The following TDRD7 variants were observed in gnomAD, a reference collection of about 807,000 sequenced individuals.
The protein encoded by TDRD7 is tudor domain containing 7.
TDRD7 carries 47 observed loss-of-function variants against 109.8 expected under a neutral mutation model. That is an observed-to-expected ratio of 0.43 (90% CI 0.34 to 0.55). TDRD7 has a LOEUF of 0.55. Ranked by LOEUF, TDRD7 falls within the 20% of genes least tolerant of loss-of-function variation. The pLI is 0.03. For missense variants in TDRD7, 1,164 were observed against 1,319.2 expected (o/e 0.88, Z 1.82); for synonymous variants, 424 against 457.3 (o/e 0.93, Z 0.93).
chr9:97,420,112 A>T (rs1827874034), intron 1 of TDRD7, among the ~76,000 whole-genome samples: 1 of 152,170 alleles, frequency 6.6e-6, no homozygotes, highest in Non-Finnish European at 1.5e-5. Context: ...TCAAAATTGG[A>T]TGCAACCCAA....
intron 7 of TDRD7, among the ~76,000 whole-genome samples, chr9:97,461,470 A>T (rs1828723428): frequency 8.0e-6 from 1 of 124,478 alleles, no homozygotes; most frequent in South Asian, 2.4e-4. Context: ...ATCAGATTAG[A>T]CCTTGGACCC....
In TDRD7 at chr9:97,483,065, T is replaced by G; in HGVS notation, c.2629T>G (p.Phe877Val). 6.2e-7 allele frequency: 1 copy of G among 1,614,118 alleles called. No individual in the cohort carries two copies. The highest frequency in any genetic ancestry group is 8.5e-7 in the Non-Finnish European group (1 of 1,180,028). ...MPMSGNTGENFRKNLTDVIKK... is the reference protein window; with the variant it reads ...MPMSGNTGENVRKNLTDVIKK... ...CATGTCGGGCAACACTGGAGAGAAT[T>G]TCAGAAAGAACCTCACAGATGTCAT... is the stretch of plus-strand genomic sequence containing the variant. The change falls in exon 15 of 17, where the codon TTC (phenylalanine) becomes GTC (valine). Residue 877 changes from phenylalanine (F) to valine (V), a missense_variant. Transcript: ENST00000355295.
At chr9:97,484,950 A>G (rs1829187161) in intron 15 of TDRD7, among the ~76,000 whole-genome samples, 1 of 152,224 alleles carries the variant, frequency 6.6e-6, no homozygotes, top group African/African-American at 2.4e-5. Flanking sequence ...TCTGCCCTCC[A>G]TGGCTTTGAA....
Position 97,427,341 on chromosome 9 carries a change from C to T in TDRD7, c.-6-1119C>T, listed in dbSNP as rs796108184. The stretch of plus-strand genomic sequence containing the variant: ...TTATTCATATGGCATTATGACTCTG[C>T]TTCTTTTTCTTCCATCTCTCTAGTC... On this transcript the variant is annotated intron_variant, in intron 1 of 16. Transcript: ENST00000355295. Among the ~76,000 whole-genome samples the T allele has an allele frequency of 7.9e-5, 12 of 152,100 alleles. 1 individual carries two copies. The highest frequency in any genetic ancestry group is 2.9e-4 in the African/African-American group (12 of 41,482).
intron 6 of TDRD7, among the ~76,000 whole-genome samples, chr9:97,458,905 G>A (rs1828663937): frequency 6.6e-6 from 1 of 152,138 alleles, no homozygotes; most frequent in Non-Finnish European, 1.5e-5. Flanking sequence ...ATTGTATGGA[G>A]AGTGAAGTAA....
chr9:97,415,527 A>G (rs1827797469), intron 1 of TDRD7, among the ~76,000 whole-genome samples: 1 of 152,230 alleles, frequency 6.6e-6, no homozygotes, highest in African/African-American at 2.4e-5. Flanking sequence ...GGCCACTTAA[A>G]TTATTTAAAT....
chr9:97,435,186 C>G (rs1828172085), intron 4 of TDRD7, among the ~76,000 whole-genome samples: 2 of 152,030 alleles, frequency 1.3e-5, no homozygotes, highest in African/African-American at 4.8e-5. Flanking sequence ...TGAATAAGCT[C>G]TGAATTGTAC....
chr9:97,427,481 A>G (rs776734700), intron 1 of TDRD7, among the ~76,000 whole-genome samples: 4 of 152,200 alleles, frequency 2.6e-5, no homozygotes, highest in Admixed American at 2.6e-4. Flanking sequence ...CAAGTACCCC[A>G]TATAAGTCAA....
At chr9:97,493,967 A>G (rs1829348364) in intron 16 of TDRD7, among the ~76,000 whole-genome samples, 1 of 152,174 alleles carries the variant, frequency 6.6e-6, no homozygotes, top group African/African-American at 2.4e-5. Context: ...ATATTGTTCA[A>G]ACACACATGC....
At chr9:97,471,604 A>G (rs1342821993) in intron 9 of TDRD7, among the ~76,000 whole-genome samples, 1 of 152,224 alleles carries the variant, frequency 6.6e-6, no homozygotes, top group African/African-American at 2.4e-5. Context: ...TTGTGGATTT[A>G]AAGTAGAAAA....
At chr9:97,425,002 G>C (rs2118255994) in intron 1 of TDRD7, among the ~76,000 whole-genome samples, 1 of 151,998 alleles carries the variant, frequency 6.6e-6, no homozygotes, top group Admixed American at 6.6e-5. Context: ...CTTTATCATA[G>C]TCAGCTTTCA....
rs1258289210 is a variant in TDRD7, at chr9:97,428,656, C to G, written c.191C>G (p.Thr64Ser). 1 of 1,613,696 alleles carries G rather than the reference C, an allele frequency of 6.2e-7. No homozygotes were observed. Among genetic ancestry groups the G allele is most frequent in the Non-Finnish European group, 8.5e-7 (1 of 1,179,888 alleles). Residue 64 changes from threonine (T) to serine (S), a missense_variant, in exon 2 of 17, where the codon ACT becomes AGT. Thr to Ser is a moderately conservative substitution (Grantham distance 58). Around this residue, in one of 5 missense-constraint regions of TDRD7, gnomAD observed 101 missense variants for 148.5 expected, o/e 0.68. Transcript: ENST00000355295. ...GTGCCAGCAGTGGTCAGGATAGAGA[C>G]TAGTAGATCTGGAGAGGTAAGAAGG... ...RSVPAVVRIETSRSGEITCYA... is the reference protein window; with the variant it reads ...RSVPAVVRIESSRSGEITCYA...
intron 7 of TDRD7, among the ~76,000 whole-genome samples, chr9:97,462,587 C>T (rs1402081035): frequency 6.6e-6 from 1 of 152,010 alleles, no homozygotes; most frequent in Non-Finnish European, 1.5e-5. Context: ...TATGGCAGAA[C>T]CCTCATCTCA....
intron 1 of TDRD7, among the ~76,000 whole-genome samples, chr9:97,420,164 C>T (rs34561159): frequency 0.53 from 80,363 of 151,696 alleles, 21,548 homozygotes; most frequent in African/African-American, 0.61. Context: ...TTGTAGTATA[C>T]CCATACAGTG....
chr9:97,465,969 A>G (rs538326794), intron 8 of TDRD7, among the ~76,000 whole-genome samples: 1 of 152,212 alleles, frequency 6.6e-6, no homozygotes, highest in East Asian at 1.9e-4. Context: ...AGTCCCTTGT[A>G]TTTATACAGA....
intron 1 of TDRD7, among the ~76,000 whole-genome samples, chr9:97,414,634 G>C (rs1033976247): frequency 6.6e-6 from 1 of 151,996 alleles, no homozygotes; most frequent in Non-Finnish European, 1.5e-5. Flanking sequence ...CCTTACTTAC[G>C]TACATTCGTG....
At chr9:97,428,115 C>T (rs1260375359) in intron 1 of TDRD7, among the ~76,000 whole-genome samples, 1 of 152,246 alleles carries the variant, frequency 6.6e-6, no homozygotes, top group South Asian at 2.1e-4. Flanking sequence ...CATCCTGTTC[C>T]CTTCCTTGGG....
chr9:97,438,503 A>T (rs1293409519), intron 4 of TDRD7, among the ~76,000 whole-genome samples: 1 of 152,196 alleles, frequency 6.6e-6, no homozygotes, highest in Non-Finnish European at 1.5e-5. Context: ...GCATGTATCA[A>T]GCTCTGCCCC....
intron 9 of TDRD7, among the ~76,000 whole-genome samples, chr9:97,471,371 C>T (rs1308280538): frequency 6.6e-6 from 1 of 152,126 alleles, no homozygotes; most frequent in Non-Finnish European, 1.5e-5. Context: ...GGGATGAATT[C>T]TTATGTCACA....
Sources: gnomAD v4.1 joint callset for allele counts (sites outside exome capture counted in the v4.1 genomes callset) on GRCh38, gnomAD v4.1.1 for gene constraint, gnomAD v4.1.1 regional missense constraint, MANE v1.5 for transcripts, NCBI Gene and HGNC (gene_info 2026-07-23, HGNC 2026-07-21) for gene names.